Variants in KATNIP observed in about 807,000 individuals in gnomAD.
KATNIP encodes the protein katanin interacting protein, also known as katanin-interacting protein.
Under a neutral mutation model 174.0 loss-of-function variants are expected in KATNIP, and 126 were observed. The ratio of observed to expected loss-of-function variants is 0.72; its 90% CI spans 0.63 to 0.84. The LOEUF (loss-of-function observed/expected upper bound fraction) is 0.84. KATNIP is among the 40% of genes least tolerant of loss of function. The probability of loss-of-function intolerance (pLI) is 0.00; values close to 1 mark genes in which losing one functional copy is unlikely to be tolerated. For synonymous variants in KATNIP, 810 were observed against 835.7 expected (o/e 0.97, Z 0.53); for missense variants, 1,958 against 2,109.7 (o/e 0.93, Z 1.41).
chr16:27,713,739 T>C (rs557147285), intron 13 of KATNIP, among the ~76,000 whole-genome samples: 21 of 132,020 alleles, frequency 1.6e-4, no homozygotes, highest in South Asian at 9.0e-4. Context: ...TATATACACA[T>C]ACATATTATA....
At position 27,715,012 on chromosome 16, in the gene KATNIP, A is replaced by G. The variant is rs1033306474; in HGVS notation, c.1605+6092A>G. Among the ~76,000 whole-genome samples the G allele has an allele frequency of 2.6e-5, 4 of 152,256 alleles. No homozygotes were observed. The East Asian group carries it at 7.7e-4, about 29-fold the overall frequency. On this transcript the variant is annotated intron_variant, in intron 13 of 27. Coordinates refer to ENST00000261588, the MANE Select transcript of KATNIP (RefSeq NM_015202.5). Reference sequence around the variant, plus strand: ...AGCTAAAACATTATTGAAAAAGAATAAAGTAGAACTCACACTTCAATTTCA... The same window carrying G: ...AGCTAAAACATTATTGAAAAAGAATGAAGTAGAACTCACACTTCAATTTCA...
intron 2 of KATNIP, among the ~76,000 whole-genome samples, chr16:27,589,731 C>T (rs1445331449): frequency 1.3e-5 from 2 of 152,124 alleles, no homozygotes; most frequent in East Asian, 3.8e-4. Flanking sequence ...TTCTCTCTAT[C>T]TGTATCTATT....
At chr16:27,607,665 T>A (rs900917884) in intron 2 of KATNIP, among the ~76,000 whole-genome samples, 1 of 145,794 alleles carries the variant, frequency 6.9e-6, no homozygotes, top group Non-Finnish European at 1.5e-5. Flanking sequence ...TGGCACAATC[T>A]CAGCTCACCA....
chr16:27,651,997 GGCGT>G (rs2142368309), intron 6 of KATNIP, among the ~76,000 whole-genome samples: 1 of 152,370 alleles, frequency 6.6e-6, no homozygotes, highest in Admixed American at 6.5e-5. Context: ...TGGGATTACA[GGCGT>G]GAGCCACCAT....
chr16:27,746,961 A>G (rs1021377281), intron 15 of KATNIP, among the ~76,000 whole-genome samples: 1 of 152,224 alleles, frequency 6.6e-6, no homozygotes, highest in African/African-American at 2.4e-5. Flanking sequence ...CTGAAGTGAC[A>G]GAGTGGACAT....
rs377436080 is a variant in KATNIP at position 27,751,939 on chromosome 16, G to T, written c.3552+15G>T. ...CTGATGAACGGGTAGGACTGGAGCTGGGGGGCTGTGGGGGGACCCCCAGAT... is the reference window on the plus strand; with the variant it reads ...CTGATGAACGGGTAGGACTGGAGCTTGGGGGCTGTGGGGGGACCCCCAGAT... On this transcript the variant is annotated intron_variant, in intron 17 of 27. Transcript: ENST00000261588. 3.4e-4 allele frequency: 534 copies of T among 1,579,848 alleles called. No homozygotes were observed. Among genetic ancestry groups the T allele is most frequent in the Admixed American group, 7.2e-4 (41 of 57,142 alleles).
In KATNIP at chr16:27,648,662, A is replaced by C; in HGVS notation, c.467A>C (p.Asp156Ala). Reference sequence around the variant, plus strand: ...CGGCTCCACATCGAACCTCCTGTGGACTATTCTGATGATTTTGAGCTGTGT... The same window carrying C: ...CGGCTCCACATCGAACCTCCTGTGGCCTATTCTGATGATTTTGAGCTGTGT... ...GPRLHIEPPV[D>A]YSDDFELCGD... Residue 156 changes from aspartate (D) to alanine (A), a missense_variant, in exon 6 of 28, where the codon GAC becomes GCC. By Grantham distance (126) the Asp-to-Ala change is moderately radical. Coordinates refer to ENST00000261588, the MANE Select transcript of KATNIP (RefSeq NM_015202.5). The C allele has an allele frequency of 6.2e-7, 1 of 1,614,164 alleles. No homozygotes were observed.
At chr16:27,642,303 A>G (rs1345032105) in intron 5 of KATNIP, among the ~76,000 whole-genome samples, 1 of 152,118 alleles carries the variant, frequency 6.6e-6, no homozygotes, top group African/African-American at 2.4e-5. Flanking sequence ...TCAGCAAACT[A>G]TCGCAAGAAC....
chr16:27,600,797 T>A (rs1020090431), intron 2 of KATNIP, among the ~76,000 whole-genome samples: 7 of 151,028 alleles, frequency 4.6e-5, no homozygotes, highest in African/African-American at 1.7e-4. Context: ...TGGCGCAATC[T>A]CGGCTTACCA....
At chr16:27,644,779 G>A (rs376654337) in intron 5 of KATNIP, 2 of 152,344 alleles carry the variant, frequency 1.3e-5, no homozygotes, top group Non-Finnish European at 2.9e-5. Flanking sequence ...AAAGTGCTGG[G>A]ATTACAGGCA....
chr16:27,625,698 A>G (rs2076311859), intron 3 of KATNIP, among the ~76,000 whole-genome samples: 1 of 152,206 alleles, frequency 6.6e-6, no homozygotes, highest in Non-Finnish European at 1.5e-5. Context: ...ATAAACAAAG[A>G]AATCACCCAC....
chr16:27,606,514 TAC>T (rs903126259), intron 2 of KATNIP, among the ~76,000 whole-genome samples: 94 of 149,774 alleles, frequency 6.3e-4, no homozygotes, highest in African/African-American at 8.8e-4. Context: ...CACACACACA[TAC>T]ACACACACAC....
At chr16:27,569,240 G>A (rs529260953) in intron 1 of KATNIP, among the ~76,000 whole-genome samples, 7 of 152,094 alleles carry the variant, frequency 4.6e-5, no homozygotes, top group East Asian at 1.9e-4. Flanking sequence ...AAGAAGATGC[G>A]ACTCCCCTCT....
intron 1 of KATNIP, among the ~76,000 whole-genome samples, chr16:27,573,201 T>C (rs139273295): frequency 1.3e-5 from 2 of 152,366 alleles, no homozygotes; most frequent in African/African-American, 2.4e-5. Context: ...TTGACAATAA[T>C]GCAGTGACTC....
At chr16:27,560,707 A>G (rs1596714670) in intron 1 of KATNIP, among the ~76,000 whole-genome samples, 1 of 152,128 alleles carries the variant, frequency 6.6e-6, no homozygotes, top group East Asian at 1.9e-4. Context: ...CTACTCCCCC[A>G]TGGCAGGACC....
chr16:27,685,410 T>G (rs376204146), intron 8 of KATNIP: 23 of 151,850 alleles, frequency 1.5e-4, no homozygotes, highest in African/African-American at 3.6e-4. Flanking sequence ...AAATAAAAAA[T>G]TTAAGAAAAT....
intron 2 of KATNIP, among the ~76,000 whole-genome samples, chr16:27,585,285 T>TA (rs1270534138): frequency 6.6e-6 from 1 of 150,680 alleles, no homozygotes. Context: ...CAAAAACAAA[T>TA]ACTGGCGAGG....
At chr16:27,730,678 C>A (rs2080640285) in intron 14 of KATNIP, among the ~76,000 whole-genome samples, 1 of 152,208 alleles carries the variant, frequency 6.6e-6, no homozygotes, top group African/African-American at 2.4e-5. Context: ...CACAAACAAG[C>A]CTCCCCATAC....
intron 1 of KATNIP, among the ~76,000 whole-genome samples, chr16:27,564,044 A>G (rs765268678): frequency 2.0e-5 from 3 of 151,998 alleles, no homozygotes; most frequent in Non-Finnish European, 4.4e-5. Flanking sequence ...AGCCTGGGCA[A>G]CAGAGCAAGA....
Sources: allele counts gnomAD v4.1 joint callset (sites outside exome capture counted in the v4.1 genomes callset), GRCh38; gene constraint gnomAD v4.1.1; transcripts MANE v1.5; gene names NCBI Gene and HGNC (gene_info 2026-07-23, HGNC 2026-07-21).